The following MAPK10 variants were observed in gnomAD, a reference collection of about 807,000 sequenced individuals.
MAPK10 encodes JNK3 alpha protein kinase.
In MAPK10, 25 loss-of-function variants were observed where a neutral mutation model predicts 59.3. That is an observed-to-expected ratio of 0.42 (90% confidence interval 0.31 to 0.59). The LOEUF (loss-of-function observed/expected upper bound fraction) is 0.59. Among genes scored for constraint, MAPK10 ranks in the 20% least tolerant of loss-of-function variants. The pLI is 0.15. For missense variants in MAPK10, 351 were observed against 568.9 expected (o/e 0.62, Z 3.90); for synonymous variants, 190 against 200.5 (o/e 0.95, Z 0.44).
intron 2 of MAPK10, among the ~76,000 whole-genome samples, chr4:86,281,301 C>A (rs1055524686): frequency 6.6e-6 from 1 of 151,816 alleles, no homozygotes; most frequent in Non-Finnish European, 1.5e-5. Context: ...GAGTTTGAGA[C>A]CAGCCAGGCC....
intron 2 of MAPK10, among the ~76,000 whole-genome samples, chr4:86,235,534 T>C (rs1206907680): frequency 6.6e-6 from 1 of 152,232 alleles, no homozygotes; most frequent in African/African-American, 2.4e-5. Context: ...AATAAGATGC[T>C]TTCAAACTTT....
chr4:86,452,874 G>A (rs1750890337), intron 1 of MAPK10, among the ~76,000 whole-genome samples: 1 of 152,030 alleles, frequency 6.6e-6, no homozygotes, highest in Non-Finnish European at 1.5e-5. Context: ...AAGAACCCAT[G>A]GACCCTCTAA....
intron 2 of MAPK10, among the ~76,000 whole-genome samples, chr4:86,299,349 T>C (rs1343077395): frequency 6.6e-6 from 1 of 152,220 alleles, no homozygotes; most frequent in African/African-American, 2.4e-5. Flanking sequence ...GCTGAAATCC[T>C]AAGCCCCATA....
intron 2 of MAPK10, among the ~76,000 whole-genome samples, chr4:86,255,407 T>G (rs1254219623): frequency 6.6e-6 from 1 of 152,164 alleles, no homozygotes; most frequent in Non-Finnish European, 1.5e-5. Context: ...CAATGCACCA[T>G]GACATTTTAA....
At chr4:86,065,073 TTTTC>T (rs918925451) in intron 10 of MAPK10, 5 of 151,856 alleles carry the variant, frequency 3.3e-5, no homozygotes, top group African/African-American at 1.2e-4. Context: ...CCTGGCTATT[TTTTC>T]TTTCTTTCTT....
At chr4:86,478,374 G>A (rs1454832371) in intron 1 of MAPK10, among the ~76,000 whole-genome samples, 3 of 152,072 alleles carry the variant, frequency 2.0e-5, no homozygotes, top group South Asian at 2.1e-4. Context: ...CCGGGACTAC[G>A]CCCTGTAACC....
At chr4:86,185,096 A>G (rs146613035) in intron 3 of MAPK10, among the ~76,000 whole-genome samples, 20 of 152,272 alleles carry the variant, frequency 1.3e-4, no homozygotes, top group Non-Finnish European at 2.8e-4. Flanking sequence ...CCAACTTGGC[A>G]TCGTTAAACT....
intron 2 of MAPK10, among the ~76,000 whole-genome samples, chr4:86,216,693 G>C (rs566794017): frequency 4.6e-5 from 7 of 151,824 alleles, no homozygotes; most frequent in Admixed American, 4.6e-4. Context: ...ATTATTGTTA[G>C]AACATAATTC....
intron 1 of MAPK10, among the ~76,000 whole-genome samples, chr4:86,415,167 G>A (rs993238865): frequency 1.3e-5 from 2 of 150,048 alleles, no homozygotes; most frequent in Non-Finnish European, 3.0e-5. Flanking sequence ...CTTCCATTAC[G>A]GCATTTTATC....
chr4:86,362,410 T>C (rs1403198112), upstream of MAPK10, among the ~76,000 whole-genome samples: 2 of 150,872 alleles, frequency 1.3e-5, no homozygotes, highest in African/African-American at 4.9e-5. Context: ...AGAAAGCACT[T>C]ACCATAAAAA....
intron 2 of MAPK10, among the ~76,000 whole-genome samples, chr4:86,348,238 A>T (rs1729272645): frequency 6.6e-6 from 1 of 152,176 alleles, no homozygotes; most frequent in African/African-American, 2.4e-5. Flanking sequence ...CACAGTAATA[A>T]GCATATGCTC....
At chr4:86,446,147 A>G (rs555469147) in intron 1 of MAPK10, among the ~76,000 whole-genome samples, 105 of 152,254 alleles carry the variant, frequency 6.9e-4, no homozygotes, top group African/African-American at 2.4e-3. Context: ...GAAATACTCG[A>G]TTATTGTTAC....
At chr4:86,301,456 G>A (rs2095471642) in intron 2 of MAPK10, among the ~76,000 whole-genome samples, 1 of 151,904 alleles carries the variant, frequency 6.6e-6, no homozygotes, top group African/African-American at 2.4e-5. Flanking sequence ...AGTGGTGTCT[G>A]CTGAAAACAA....
intron 3 of MAPK10, among the ~76,000 whole-genome samples, chr4:86,169,624 A>G (rs2073337246): frequency 6.6e-6 from 1 of 152,058 alleles, no homozygotes; most frequent in South Asian, 2.1e-4. Context: ...AATGGAACCA[A>G]GTTGGAAAAC....
chr4:86,108,608 A>G (rs2149086982), intron 4 of MAPK10, among the ~76,000 whole-genome samples: 1 of 152,250 alleles, frequency 6.6e-6, no homozygotes, highest in East Asian at 1.9e-4. Context: ...GTCCATGAAA[A>G]GTTTCACCAG....
chr4:86,256,766 A>C (rs2093743128), intron 2 of MAPK10, among the ~76,000 whole-genome samples: 1 of 110,156 alleles, frequency 9.1e-6, no homozygotes, highest in African/African-American at 3.7e-5. Context: ...TTTGAGACAG[A>C]GTCTCTCTCT....
At chr4:86,231,036 G>T (rs1450516231) in intron 2 of MAPK10, among the ~76,000 whole-genome samples, 1 of 152,162 alleles carries the variant, frequency 6.6e-6, no homozygotes, top group Non-Finnish European at 1.5e-5. Flanking sequence ...AATATGAATT[G>T]ATAAGCATTA....
intron 9 of MAPK10, among the ~76,000 whole-genome samples, chr4:86,071,348 T>C (rs2047915557): frequency 8.1e-6 from 1 of 122,780 alleles, no homozygotes; most frequent in Non-Finnish European, 1.8e-5. Context: ...AGGTTGCCTG[T>C]TCACTCTGAT....
chr4:86,347,355 T>A (rs1251078088), intron 2 of MAPK10, among the ~76,000 whole-genome samples: 1 of 152,178 alleles, frequency 6.6e-6, no homozygotes, highest in Non-Finnish European at 1.5e-5. Context: ...TTTTTGCAGA[T>A]GCTTACTCAG....
Sources: gnomAD v4.1 joint callset for allele counts (sites outside exome capture counted in the v4.1 genomes callset) on GRCh38, gnomAD v4.1.1 for gene constraint, MANE v1.5 for transcripts, NCBI Gene and HGNC (gene_info 2026-07-23, HGNC 2026-07-21) for gene names.